The following SH3GL2 variants were observed in gnomAD, a reference collection of about 807,000 sequenced individuals.
SH3GL2 encodes the protein SH3 domain containing GRB2 like 2, endophilin A1.
In SH3GL2, 24 loss-of-function variants were observed where a neutral mutation model predicts 46.0. The observed-to-expected ratio is 0.52, with a 90% CI of 0.38 to 0.73. The LOEUF (loss-of-function observed/expected upper bound fraction) is 0.73, where lower values mean the gene tolerates loss of function less well. Among genes scored for constraint, SH3GL2 ranks in the 30% least tolerant of loss-of-function variants. The pLI is 0.00. For missense variants in SH3GL2, 413 were observed against 424.2 expected, an observed-to-expected ratio of 0.97 and a Z score of 0.23; for synonymous variants, 196 against 147.1, an observed-to-expected ratio of 1.33 and a Z score of -2.40.
At chr9:17,594,055 G>A (rs551444672) in intron 1 of SH3GL2, among the ~76,000 whole-genome samples, 15 of 152,206 alleles carry the variant, frequency 9.9e-5, no homozygotes, top group African/African-American at 3.4e-4. Flanking sequence ...TATCTACTGT[G>A]GCTATAGTGA....
chr9:17,740,263 G>T (rs1430789746), intron 1 of SH3GL2, among the ~76,000 whole-genome samples: 1 of 151,962 alleles, frequency 6.6e-6, no homozygotes, highest in East Asian at 1.9e-4. Context: ...AAACATCATG[G>T]CATTTAAGCA....
At chr9:17,787,294 T>C (rs943238016) in intron 4 of SH3GL2, 86 bp from the exon 5 acceptor site, 2 of 1,067,210 alleles carry the variant, frequency 1.9e-6, no homozygotes. Context: ...TGGTAATCCT[T>C]TGGGTTTTCA....
chr9:17,611,400 T>C (rs1468317954), intron 1 of SH3GL2, among the ~76,000 whole-genome samples: 1 of 152,194 alleles, frequency 6.6e-6, no homozygotes, highest in Non-Finnish European at 1.5e-5. Flanking sequence ...AAATAAATTT[T>C]CACTTATCCT....
intron 1 of SH3GL2, among the ~76,000 whole-genome samples, chr9:17,638,927 C>G (rs1365474379): frequency 6.6e-6 from 1 of 152,218 alleles, no homozygotes; most frequent in Non-Finnish European, 1.5e-5. Context: ...GTGAGAATTA[C>G]ATTGTTGGAT....
intron 1 of SH3GL2, among the ~76,000 whole-genome samples, chr9:17,719,340 G>T (rs1331209102): frequency 6.6e-6 from 1 of 152,150 alleles, no homozygotes; most frequent in Non-Finnish European, 1.5e-5. Flanking sequence ...TTTATAGACT[G>T]TTTCTAGGAA....
intron 1 of SH3GL2, among the ~76,000 whole-genome samples, chr9:17,599,958 C>A (rs913943253): frequency 6.8e-5 from 10 of 148,026 alleles, no homozygotes; most frequent in African/African-American, 2.5e-4. Flanking sequence ...TTTTTCTAAT[C>A]TGAACAGTTA....
At chr9:17,604,592 C>A (rs1363955947) in intron 1 of SH3GL2, among the ~76,000 whole-genome samples, 1 of 152,090 alleles carries the variant, frequency 6.6e-6, no homozygotes, top group Non-Finnish European at 1.5e-5. Flanking sequence ...CTCCTTGTTA[C>A]CCAGTGCATG....
chr9:17,717,442 C>T, intron 1 of SH3GL2, among the ~76,000 whole-genome samples: 1 of 151,988 alleles, frequency 6.6e-6, no homozygotes, highest in African/African-American at 2.4e-5. Context: ...GGCTTTTGCC[C>T]TCTTCCTTCC....
rs577999349 is a variant in SH3GL2, at chr9:17,712,916, G to A, written c.46-34150G>A. ...TTGATTACAATGTCCAATAGAAATA[G>A]TAAGCGTGAACATCCTTGTGAACAT... On this transcript the variant is annotated intron_variant, in intron 1 of 8. Transcript: ENST00000380607. Among the ~76,000 whole-genome samples, 4 of 122,900 alleles carry A rather than the reference G, an allele frequency of 3.3e-5. No homozygotes were observed. In the South Asian group the frequency reaches 1.1e-3, roughly 33 times the overall value. The allele number at this position is 122,900 out of a possible 152,430, so 80.6% of individuals were successfully genotyped here. A position where few individuals can be genotyped will look rare whatever the true frequency, so the allele number is the denominator to read the frequency against.
At position 17,787,473 on chromosome 9, in the gene SH3GL2, C is replaced by T. The variant is rs762646779; in HGVS notation, c.425C>T (p.Pro142Leu). 4 of 1,612,752 alleles carry T rather than the reference C, an allele frequency of 2.5e-6. No homozygotes were observed. Among genetic ancestry groups the T allele is most frequent in the East Asian group, 4.5e-5 (2 of 44,846 alleles). ...DIEVKQNFID[P>L]LQNLHDKDLR... ...GAAGTGAAGCAGAACTTCATTGACCCTCTTCAGAATCTTCATGACAAAGAT... is the reference window on the plus strand; with the variant it reads ...GAAGTGAAGCAGAACTTCATTGACCTTCTTCAGAATCTTCATGACAAAGAT... The change falls in exon 5 of 9, where the codon CCT becomes CTT. Residue 142 changes from proline (P) to leucine (L), a missense_variant. Around this residue, in one of 3 missense-constraint regions of SH3GL2, gnomAD observed 160 missense variants for 192.3 expected, o/e 0.83. Coordinates refer to ENST00000380607, the MANE Select transcript of SH3GL2 (RefSeq NM_003026.5).
chr9:17,744,016 G>C (rs908222428), intron 1 of SH3GL2, among the ~76,000 whole-genome samples: 1 of 152,150 alleles, frequency 6.6e-6, no homozygotes, highest in African/African-American at 2.4e-5. Flanking sequence ...GACAACAAAT[G>C]GAATTTTGGA....
intron 1 of SH3GL2, among the ~76,000 whole-genome samples, chr9:17,660,142 C>G (rs1820177981): frequency 6.6e-6 from 1 of 152,206 alleles, no homozygotes; most frequent in African/African-American, 2.4e-5. Flanking sequence ...TGCTAAATGC[C>G]TGGCATGCAT....
intron 1 of SH3GL2, among the ~76,000 whole-genome samples, chr9:17,718,354 C>G (rs1274146714): frequency 2.0e-5 from 3 of 152,114 alleles, no homozygotes; most frequent in Non-Finnish European, 4.4e-5. Context: ...ACTGGTGTGG[C>G]ATGGTGCTGA....
intron 1 of SH3GL2, among the ~76,000 whole-genome samples, chr9:17,696,635 C>T (rs931399055): frequency 1.3e-5 from 2 of 152,094 alleles, no homozygotes; most frequent in African/African-American, 4.8e-5. Context: ...CATCAGATCT[C>T]ATGAAAACTC....
chr9:17,657,934 A>G (rs760669116), intron 1 of SH3GL2, among the ~76,000 whole-genome samples: 1 of 152,190 alleles, frequency 6.6e-6, no homozygotes, highest in African/African-American at 2.4e-5. Flanking sequence ...TACCCTGGAC[A>G]TTAAGATTCC....
intron 2 of SH3GL2, among the ~76,000 whole-genome samples, chr9:17,753,427 G>T (rs909775813): frequency 2.0e-5 from 3 of 152,186 alleles, no homozygotes; most frequent in African/African-American, 7.2e-5. Context: ...GTAATGATCA[G>T]TGATGTTGAG....
intron 1 of SH3GL2, among the ~76,000 whole-genome samples, chr9:17,684,036 C>T (rs889171522): frequency 6.6e-6 from 1 of 151,974 alleles, no homozygotes; most frequent in African/African-American, 2.4e-5. Flanking sequence ...GGCTTTTAAC[C>T]AAAAATTACT....
chr9:17,736,245 A>G lies in SH3GL2; in HGVS notation c.46-10821A>G, dbSNP rs554758024. On this transcript the variant is annotated intron_variant, in intron 1 of 8. Coordinates refer to ENST00000380607, the MANE Select transcript of SH3GL2 (RefSeq NM_003026.5). The stretch of plus-strand genomic sequence containing the variant: ...CTGCCCTGTCACTGGAAGGCTTTTT[A>G]AATTTTTTGATTTAGATCATAGAAT... 1.4e-3 allele frequency among the ~76,000 whole-genome samples: 211 copies of G among 152,212 alleles called. 2 individuals carry two copies. In the South Asian group the frequency reaches 0.016, roughly 12 times the overall value.
rs76246903 is a variant in SH3GL2, at chr9:17,612,613, T to A, written c.45+33326T>A. The stretch of plus-strand genomic sequence containing the variant: ...ACTGGGAGGATGCATTTCACTTGTG[T>A]ATGTAATTGTGGGAGTGTGTTCTCA... On this transcript the variant is annotated intron_variant, in intron 1 of 8. Coordinates refer to ENST00000380607, the MANE Select transcript of SH3GL2 (RefSeq NM_003026.5). Among the ~76,000 whole-genome samples the A allele has an allele frequency of 9.0e-3, 1,363 of 152,280 alleles. 8 individuals are homozygous for A. Among genetic ancestry groups the A allele is most frequent in the Non-Finnish European group, 0.015 (1,001 of 68,024 alleles).
Sources: gnomAD v4.1 joint callset for allele counts (sites outside exome capture counted in the v4.1 genomes callset) on GRCh38, gnomAD v4.1.1 for gene constraint, gnomAD v4.1.1 regional missense constraint, MANE v1.5 for transcripts, NCBI Gene and HGNC (gene_info 2026-07-23, HGNC 2026-07-21) for gene names.